Variants in GAS2L3 observed in about 807,000 individuals in gnomAD.
GAS2L3 encodes the protein growth arrest specific 2 like 3, also known as GAS2-like protein 3.
A neutral mutation model predicts 37.0 loss-of-function variants in GAS2L3; 28 were observed. The observed-to-expected ratio is 0.76, with a 90% CI of 0.56 to 1.04. The LOEUF (loss-of-function observed/expected upper bound fraction) is 1.04, where lower values mean the gene tolerates loss of function less well. GAS2L3 is among the 50% of genes least tolerant of loss of function. GAS2L3 has a pLI of 0.00. For synonymous variants in GAS2L3, 290 were observed against 296.6 expected, an observed-to-expected ratio of 0.98 and a Z score of 0.23; for missense variants, 793 against 817.6, an observed-to-expected ratio of 0.97 and a Z score of 0.37.
Position 100,618,579 on chromosome 12 carries a change from C to T in GAS2L3, c.640C>T (p.His214Tyr). ...ATCATGCTGTCGGCATGAAGAGCTA[C>T]ATGAAGCTGTAAGTAGTTGCCACAC... ...PKSCCRHEEL[H>Y]EAVKHIAEDP... The change falls in exon 8 of 10, where the codon CAT (histidine) becomes TAT (tyrosine). Residue 214 changes from histidine to tyrosine, a missense_variant. His to Tyr is a moderately conservative substitution (Grantham distance 83, BLOSUM62 2). Transcript: ENST00000547754. 6.2e-7 allele frequency: 1 copy of T among 1,608,726 alleles called. No homozygotes were observed. Among genetic ancestry groups the T allele is most frequent in the South Asian group, 1.1e-5 (1 of 89,928 alleles).
chr12:100,622,735 T>C (rs183280980), intron 9 of GAS2L3, among the ~76,000 whole-genome samples: 44 of 36,566 alleles, frequency 1.2e-3, no homozygotes, highest in African/African-American at 3.5e-3. Flanking sequence ...TCTAATAAGA[T>C]TGAGTATCCA....
Position 100,601,694 on chromosome 12 carries a change from T to G in GAS2L3, c.244T>G (p.Cys82Gly). The change falls in exon 5 of 10, where the codon TGT becomes GGT. Residue 82 changes from cysteine to glycine, a missense_variant. Coordinates refer to ENST00000547754, the MANE Select transcript of GAS2L3 (RefSeq NM_174942.3). ...LEELDNGVLL[C>G]QLIDVLQNMV... is the part of the protein sequence containing the mutation. ...AGAACTTGATAATGGAGTACTATTA[T>G]GTCAACTGATTGATGTTCTTCAAAA... 1 of 1,606,284 alleles carries G rather than the reference T, an allele frequency of 6.2e-7. No individual in the cohort carries two copies. Among genetic ancestry groups the G allele is most frequent in the Non-Finnish European group, 8.5e-7 (1 of 1,174,910 alleles).
chr12:100,621,889 G>GAGAGAGAGAA (rs1956258029), intron 8 of GAS2L3, among the ~76,000 whole-genome samples: 1 of 149,434 alleles, frequency 6.7e-6, no homozygotes, highest in South Asian at 2.2e-4. Context: ...GGGGGAGAGA[G>GAGAGAGAGAA]AGAGAGAGAG....
Position 100,588,876 on chromosome 12 carries a change from C to G in GAS2L3, c.-151-2860C>G, listed in dbSNP as rs1955812376. Among the ~76,000 whole-genome samples, 3 of 152,226 alleles carry G rather than the reference C, an allele frequency of 2.0e-5. No homozygotes were observed. The East Asian group carries it at 5.8e-4, about 29-fold the overall frequency. ...AAGAAGAAAAATATGGCTCTTTTTGCCTGACCCCACGGGCAGTCAGACCTT... is the reference window on the plus strand; with the variant it reads ...AAGAAGAAAAATATGGCTCTTTTTGGCTGACCCCACGGGCAGTCAGACCTT... On this transcript the variant is annotated intron_variant, in intron 1 of 9. Transcript: ENST00000547754.
rs75664330 is a variant in GAS2L3 at position 100,585,756 on chromosome 12, A to G, written c.-151-5980A>G. Among the ~76,000 whole-genome samples the G allele has an allele frequency of 1.8e-3, 269 of 152,252 alleles. 7 individuals carry two copies. The East Asian group carries it at 0.05, about 28-fold the overall frequency. ...TCCGTTTGTTCTTAACTCCAAATAT[A>G]TGTCAGATCCATCTCCTTTCCAGTG... On this transcript the variant is annotated intron_variant, in intron 1 of 9. Transcript: ENST00000547754.
intron 9 of GAS2L3, among the ~76,000 whole-genome samples, chr12:100,622,749 TAAAAAAAAAAAAA>T: frequency 4.5e-4 from 12 of 26,844 alleles, no homozygotes; most frequent in Admixed American, 3.9e-3. Context: ...GTATCCATAG[TAAAAAAAAAAAAA>T]AAAAAAAAAA....
At chr12:100,594,405 T>A (rs1050159547) in intron 2 of GAS2L3, among the ~76,000 whole-genome samples, 1 of 152,064 alleles carries the variant, frequency 6.6e-6, no homozygotes, top group Non-Finnish European at 1.5e-5. Flanking sequence ...ATTAGCAGAA[T>A]AAGCTTATAG....
intron 8 of GAS2L3, among the ~76,000 whole-genome samples, chr12:100,619,598 C>T (rs1238975612): frequency 1.3e-5 from 2 of 151,474 alleles, no homozygotes; most frequent in Non-Finnish European, 3.0e-5. Context: ...TTTATCTGGC[C>T]AAAATATCTA....
chr12:100,601,209 A>G (rs941128282), intron 4 of GAS2L3, among the ~76,000 whole-genome samples: 3 of 152,118 alleles, frequency 2.0e-5, no homozygotes, highest in African/African-American at 7.2e-5. Context: ...TTGATGGATA[A>G]TATTTAGAGT....
chr12:100,591,482 A>G (rs1955846022), intron 1 of GAS2L3, among the ~76,000 whole-genome samples: 1 of 152,160 alleles, frequency 6.6e-6, no homozygotes, highest in African/African-American at 2.4e-5. Context: ...ACTCTCATTT[A>G]TAACTATATT....
chr12:100,582,452 C>G (rs1459798839), intron 1 of GAS2L3, among the ~76,000 whole-genome samples: 1 of 152,198 alleles, frequency 6.6e-6, no homozygotes, highest in African/African-American at 2.4e-5. Context: ...AGCTTGGGCT[C>G]AGAGGCCTGA....
chr12:100,612,853 C>G (rs1429725388), intron 6 of GAS2L3, among the ~76,000 whole-genome samples: 1 of 152,112 alleles, frequency 6.6e-6, no homozygotes, highest in Non-Finnish European at 1.5e-5. Flanking sequence ...AGTTTTATCA[C>G]TGACATAGTT....
intron 1 of GAS2L3, among the ~76,000 whole-genome samples, chr12:100,587,889 A>G (rs1036608441): frequency 6.6e-6 from 1 of 152,076 alleles, no homozygotes; most frequent in Admixed American, 6.5e-5. Flanking sequence ...TGTCTCTACT[A>G]AAAATACAAA....
intron 6 of GAS2L3, among the ~76,000 whole-genome samples, chr12:100,613,656 G>A (rs1391263127): frequency 6.6e-6 from 1 of 150,734 alleles, no homozygotes; most frequent in African/African-American, 2.4e-5. Context: ...GTACAGTGGC[G>A]CGATCTCAGC....
intron 1 of GAS2L3, 96 bp from the exon 2 acceptor site, chr12:100,591,633 CATTTGTT>C (rs1955847869): frequency 6.6e-6 from 1 of 152,090 alleles, no homozygotes; most frequent in Non-Finnish European, 1.5e-5. Context: ...ATTCATAATT[CATTTGTT>C]AAGTGCTAAC....
chr12:100,614,781 G>A (rs1003709644), intron 6 of GAS2L3, among the ~76,000 whole-genome samples: 1 of 152,104 alleles, frequency 6.6e-6, no homozygotes, highest in Non-Finnish European at 1.5e-5. Flanking sequence ...TACAATATGT[G>A]GCATTTTGTG....
chr12:100,617,425 A>G (rs950842650), intron 6 of GAS2L3, among the ~76,000 whole-genome samples: 3 of 152,164 alleles, frequency 2.0e-5, no homozygotes, highest in Non-Finnish European at 2.9e-5. Context: ...GCGGTACTAT[A>G]TATCTTTTAA....
At chr12:100,601,148 C>G (rs922274341) in intron 4 of GAS2L3, among the ~76,000 whole-genome samples, 6 of 152,018 alleles carry the variant, frequency 3.9e-5, no homozygotes, top group Non-Finnish European at 7.4e-5. Context: ...AGATACAGCT[C>G]TTCCAAGATA....
At chr12:100,608,022 G>A (rs1956077936) in intron 5 of GAS2L3, among the ~76,000 whole-genome samples, 1 of 152,046 alleles carries the variant, frequency 6.6e-6, no homozygotes, top group African/African-American at 2.4e-5. Flanking sequence ...AGTCTTTGCA[G>A]TCTGGACTTG....
Sources: gnomAD v4.1 joint callset for allele counts (sites outside exome capture counted in the v4.1 genomes callset) on GRCh38, gnomAD v4.1.1 for gene constraint, MANE v1.5 for transcripts, NCBI Gene and HGNC (gene_info 2026-07-23, HGNC 2026-07-21) for gene names.